The following DOP1A variants were observed in gnomAD, a reference collection of about 807,000 sequenced individuals.
The protein encoded by DOP1A is protein DOP1A.
DOP1A carries 90 observed loss-of-function variants against 267.6 expected under a neutral mutation model. The ratio of observed to expected loss-of-function variants is 0.34; its 90% CI spans 0.28 to 0.40. DOP1A has a LOEUF of 0.40. Among genes scored for constraint, DOP1A ranks in the 10% least tolerant of loss-of-function variants. The pLI, the probability that DOP1A is intolerant of heterozygous loss-of-function variation, is 1.00. For missense variants in DOP1A, 2,437 were observed against 2,900.4 expected (o/e 0.84, Z 3.67); for synonymous variants, 932 against 999.1 (o/e 0.93, Z 1.27).
Position 83,137,463 on chromosome 6 carries a change from A to G in DOP1A, c.3421A>G (p.Lys1141Glu), listed in dbSNP as rs1779030513. 6.2e-7 allele frequency: 1 copy of G among 1,613,710 alleles called. No homozygotes were observed. Residue 1141 changes from lysine to glutamate, a missense_variant, in exon 21 of 39, where the codon AAG (lysine) becomes GAG (glutamate). Physicochemically the swap from Lys to Glu is moderately conservative, Grantham distance 56. Around this residue, in one of 9 missense-constraint regions of DOP1A, gnomAD observed 878 missense variants for 992.9 expected, o/e 0.88. Coordinates refer to ENST00000349129, the MANE Select transcript of DOP1A (RefSeq NM_015018.4). ...VNAQEDSQMPKESSPDDDVQQ... is the reference protein window; with the variant it reads ...VNAQEDSQMPEESSPDDDVQQ... ...TGCCCAAGAGGATTCTCAAATGCCC[A>G]AGGAAAGCTCCCCAGATGATGATGT... is the stretch of plus-strand genomic sequence containing the variant.
chr6:83,078,852 T>A (rs1767590040), intron 1 of DOP1A, among the ~76,000 whole-genome samples: 1 of 152,188 alleles, frequency 6.6e-6, no homozygotes, highest in Non-Finnish European at 1.5e-5. Flanking sequence ...TAGAGTTAAT[T>A]CTCTCTTACA....
intron 38 of DOP1A, among the ~76,000 whole-genome samples, chr6:83,164,286 G>C (rs534320817): frequency 6.6e-6 from 1 of 151,420 alleles, no homozygotes; most frequent in African/African-American, 2.4e-5. Flanking sequence ...GCTTCTGTAG[G>C]GGCTTAATAA....
intron 4 of DOP1A, among the ~76,000 whole-genome samples, chr6:83,103,304 G>A (rs139149539): frequency 1.9e-3 from 294 of 152,280 alleles, no homozygotes; most frequent in African/African-American, 6.8e-3. Flanking sequence ...CAAAAGCATA[G>A]AATGATACAG....
Position 83,138,223 on chromosome 6 carries a change from C to G in DOP1A, c.4181C>G (p.Thr1394Ser). The G allele has an allele frequency of 3.7e-6, 6 of 1,613,628 alleles. No individual in the cohort carries two copies. The highest frequency in any genetic ancestry group is 5.1e-6 in the Non-Finnish European group (6 of 1,179,888). ...AFSAIKAILKTNPIAFVNAIS... is the reference protein window; with the variant it reads ...AFSAIKAILKSNPIAFVNAIS... ...TCTGCCATCAAAGCCATCTTGAAAA[C>G]TAACCCTATAGCTTTTGTAAATGCC... The change falls in exon 21 of 39, where the codon ACT (threonine) becomes AGT (serine). Residue 1394 changes from threonine (T) to serine (S), a missense_variant. Around this residue, in one of 9 missense-constraint regions of DOP1A, gnomAD observed 878 missense variants for 992.9 expected, o/e 0.88. Coordinates refer to ENST00000349129, the MANE Select transcript of DOP1A (RefSeq NM_015018.4).
At position 83,125,603 on chromosome 6, in the gene DOP1A, C is replaced by G. The variant is rs149059542; in HGVS notation, c.1589C>G (p.Thr530Arg). 1.2e-6 allele frequency: 2 copies of G among 1,613,732 alleles called. No homozygotes were observed. Among genetic ancestry groups the G allele is most frequent in the African/African-American group, 1.3e-5 (1 of 74,904 alleles). Residue 530 changes from threonine to arginine, a missense_variant, in exon 15 of 39, where the codon ACA (threonine) becomes AGA (arginine). This residue lies in a region of DOP1A where 498 missense variants were observed against 513.5 expected (regional missense o/e 0.97). Coordinates refer to ENST00000349129, the MANE Select transcript of DOP1A (RefSeq NM_015018.4). ...CAGACATTGCACTTATCTGAACTCA[C>G]AGATTCTCTCAGACTCTGCTCAAAG... ...HLQTLHLSEL[T>R]DSLRLCSKIL... is the part of the protein sequence containing the mutation.
chr6:83,088,718 C>A (rs1042339304), intron 1 of DOP1A, among the ~76,000 whole-genome samples: 1 of 152,142 alleles, frequency 6.6e-6, no homozygotes, highest in African/African-American at 2.4e-5. Context: ...CCATGCCCGG[C>A]CTTCATCCAT....
rs1436092093 is a variant in DOP1A at position 83,134,295 on chromosome 6, A to G, written c.2870+8A>G. ...TGTACGTTCTTTTGACAGGTCAGTT[A>G]CATTTTATATTAAGATTTCACAGTC... On this transcript the variant is annotated splice_region_variant and intron_variant, in intron 19 of 38. Coordinates refer to ENST00000349129, the MANE Select transcript of DOP1A (RefSeq NM_015018.4). The G allele has an allele frequency of 6.2e-7, 1 of 1,605,932 alleles. No homozygotes were observed. Among genetic ancestry groups the G allele is most frequent in the Non-Finnish European group, 8.5e-7 (1 of 1,175,074 alleles).
chr6:83,162,142 C>T (rs1206123069), intron 37 of DOP1A, among the ~76,000 whole-genome samples: 2 of 152,022 alleles, frequency 1.3e-5, no homozygotes, highest in African/African-American at 2.4e-5. Flanking sequence ...ACTCTCTGGA[C>T]GGACTTACGA....
rs183263228 is a variant in DOP1A at position 83,097,725 on chromosome 6, T to A, written c.138+610T>A. Among the ~76,000 whole-genome samples, 402 of 152,202 alleles carry A rather than the reference T, an allele frequency of 2.6e-3. 1 individual carries two copies. Among genetic ancestry groups the A allele is most frequent in the Non-Finnish European group, 4.2e-3 (286 of 67,972 alleles). On this transcript the variant is annotated intron_variant, in intron 3 of 38. Coordinates refer to ENST00000349129, the MANE Select transcript of DOP1A (RefSeq NM_015018.4). ...TTTTGACCTTTTTATTTTTTAAACA[T>A]CAATTTTTTTTACTGCATACCCATA...
At chr6:83,163,996 T>C (rs1562391222) in intron 38 of DOP1A, among the ~76,000 whole-genome samples, 1 of 151,560 alleles carries the variant, frequency 6.6e-6, no homozygotes, top group South Asian at 2.1e-4. Flanking sequence ...ATGCTCACCA[T>C]TGGGCCTTTG....
rs1053756551 is a variant in DOP1A, at chr6:83,072,065, C to T, written c.-147+4286C>T. ...CTATATTTTTATATTTTAATCCTGC[C>T]GAAGACATTTCTAGACTTTTTCCTC... On this transcript the variant is annotated intron_variant, in intron 1 of 38. Coordinates refer to ENST00000349129, the MANE Select transcript of DOP1A (RefSeq NM_015018.4). Among the ~76,000 whole-genome samples, 7 of 152,102 alleles carry T rather than the reference C, an allele frequency of 4.6e-5. No homozygotes were observed. In the South Asian group the frequency reaches 8.3e-4, roughly 18 times the overall value.
chr6:83,147,116 G>A, intron 25 of DOP1A, 120 bp from the exon 26 acceptor site: 1 of 430,084 alleles, frequency 2.3e-6, no homozygotes, highest in Non-Finnish European at 4.2e-6. Context: ...AAAAATTGAT[G>A]ATTTTGTTCT....
At chr6:83,114,907 AATTCTAAT>A (rs1245136720) in intron 7 of DOP1A, among the ~76,000 whole-genome samples, 1 of 152,152 alleles carries the variant, frequency 6.6e-6, no homozygotes, top group Admixed American at 6.5e-5. Context: ...TATGCTACCA[AATTCTAAT>A]ATAGTTCTCC....
At chr6:83,118,078 A>G (rs970123259) in intron 7 of DOP1A, among the ~76,000 whole-genome samples, 1 of 152,328 alleles carries the variant, frequency 6.6e-6, no homozygotes, top group Admixed American at 6.5e-5. Context: ...CAAAACCTCA[A>G]GAACCTGTGA....
At chr6:83,083,387 A>C (rs1280838719) in intron 1 of DOP1A, among the ~76,000 whole-genome samples, 1 of 151,838 alleles carries the variant, frequency 6.6e-6, no homozygotes, top group East Asian at 1.9e-4. Flanking sequence ...GAGAGGTAGA[A>C]TATGTCATGC....
chr6:83,104,236 G>A (rs948525537), intron 4 of DOP1A, among the ~76,000 whole-genome samples: 3 of 151,930 alleles, frequency 2.0e-5, no homozygotes, highest in Non-Finnish European at 4.4e-5. Context: ...ATCTGTGAAT[G>A]GTGAGTTTTC....
At chr6:83,077,775 G>C (rs949467500) in intron 1 of DOP1A, among the ~76,000 whole-genome samples, 4 of 152,206 alleles carry the variant, frequency 2.6e-5, no homozygotes, top group African/African-American at 7.2e-5. Flanking sequence ...AATCAGGGGT[G>C]TCCAAACTTT....
At chr6:83,141,393 T>G (rs1779635172) in intron 23 of DOP1A, among the ~76,000 whole-genome samples, 1 of 152,204 alleles carries the variant, frequency 6.6e-6, no homozygotes, top group South Asian at 2.1e-4. Flanking sequence ...CATGTCAAGC[T>G]GTCAAATTGA....
intron 37 of DOP1A, among the ~76,000 whole-genome samples, chr6:83,161,498 G>T (rs891050754): frequency 6.6e-6 from 1 of 152,062 alleles, no homozygotes; most frequent in African/African-American, 2.4e-5. Context: ...AGATATTTTC[G>T]ATGTATATGA....
Sources: gnomAD v4.1 joint callset for allele counts (sites outside exome capture counted in the v4.1 genomes callset) on GRCh38, gnomAD v4.1.1 for gene constraint, gnomAD v4.1.1 regional missense constraint, MANE v1.5 for transcripts, NCBI Gene and HGNC (gene_info 2026-07-23, HGNC 2026-07-21) for gene names.